The following FOXN3 variants were observed in gnomAD, a reference collection of about 807,000 sequenced individuals.
The protein encoded by FOXN3 is forkhead box protein N3.
In FOXN3, 7 loss-of-function variants were observed where a neutral mutation model predicts 38.4. The ratio of observed to expected loss-of-function variants is 0.18; its 90% CI spans 0.10 to 0.34. The LOEUF (loss-of-function observed/expected upper bound fraction) is 0.34. Ranked by LOEUF, FOXN3 falls within the 10% of genes least tolerant of loss-of-function variation. The pLI, the probability that FOXN3 is intolerant of heterozygous loss-of-function variation, is 1.00. For missense variants in FOXN3, 456 were observed against 613.4 expected, an observed-to-expected ratio of 0.74 and a Z score of 2.71; for synonymous variants, 230 against 242.2, an observed-to-expected ratio of 0.95 and a Z score of 0.47.
Position 89,325,259 on chromosome 14 carries a change from C to A in FOXN3, c.680+25413G>T, listed in dbSNP as rs1276753544. 9.5e-5 allele frequency among the ~76,000 whole-genome samples: 14 copies of A among 147,304 alleles called. 1 individual carries two copies. The highest frequency in any genetic ancestry group is 3.3e-4 in the African/African-American group (13 of 38,948). ...ACTACCACCACCACGACCACCACCA[C>A]CACCACCATCACCAACACCAACACC... On this transcript the variant is annotated intron_variant, in intron 3 of 5. Transcript: ENST00000557258.
At chr14:89,380,730 C>T (rs936204359) in intron 2 of FOXN3, among the ~76,000 whole-genome samples, 1 of 152,222 alleles carries the variant, frequency 6.6e-6, no homozygotes, top group African/African-American at 2.4e-5. Context: ...CCTCACAGAC[C>T]ATGGGCAGTT....
chr14:89,371,773 CCT>C (rs1455852904), intron 2 of FOXN3, among the ~76,000 whole-genome samples: 1 of 152,054 alleles, frequency 6.6e-6, no homozygotes, highest in Non-Finnish European at 1.5e-5. Flanking sequence ...AAGTTAACCC[CCT>C]GACTCCCTCT....
chr14:89,421,145 CTTTTT>C (rs570024684), upstream of FOXN3, among the ~76,000 whole-genome samples: 6 of 108,190 alleles, frequency 5.5e-5, no homozygotes, highest in African/African-American at 1.1e-4. Flanking sequence ...TTCTTTCTTT[CTTTTT>C]TTTTTTTTTT....
intron 3 of FOXN3, among the ~76,000 whole-genome samples, chr14:89,333,817 A>C (rs976141235): frequency 1.3e-5 from 2 of 150,664 alleles, no homozygotes; most frequent in East Asian, 3.9e-4. Context: ...TTCTGGGTAT[A>C]TATCCAAAGG....
upstream of FOXN3, chr14:89,417,694 TG>T (rs1891789665): frequency 2.2e-6 from 1 of 455,892 alleles, no homozygotes; most frequent in East Asian, 7.0e-5. Context: ...GCGAGGCTTG[TG>T]GGGGTGAGAA....
intron 1 of FOXN3, among the ~76,000 whole-genome samples, chr14:89,567,827 A>G (rs914562232): frequency 5.4e-5 from 8 of 148,012 alleles, no homozygotes; most frequent in Non-Finnish European, 1.0e-4. Flanking sequence ...GGTTCACGCC[A>G]TTCTCCTACC....
In FOXN3 at chr14:89,370,843, G is replaced by C. The variant is rs74810575; in HGVS notation, c.544-20035C>G. Among the ~76,000 whole-genome samples the C allele has an allele frequency of 2.8e-3, 430 of 152,316 alleles. 2 individuals are homozygous for C. The highest frequency in any genetic ancestry group is 9.9e-3 in the African/African-American group (411 of 41,572). On this transcript the variant is annotated intron_variant, in intron 2 of 5. Transcript: ENST00000557258. ...CAGTGAGGACGTAACTTCATTTCTG[G>C]TGGTTACCCCCTTTAAGTACATAAT...
chr14:89,364,504 C>T (rs959720691), intron 2 of FOXN3: 1 of 152,352 alleles, frequency 6.6e-6, no homozygotes, highest in Non-Finnish European at 1.5e-5. Context: ...GGAGGAGAGG[C>T]TCTGGCGCCC....
At chr14:89,205,394 C>A (rs1868749347) in intron 4 of FOXN3, among the ~76,000 whole-genome samples, 1 of 152,138 alleles carries the variant, frequency 6.6e-6, no homozygotes, top group African/African-American at 2.4e-5. Flanking sequence ...GGGCCTGTGC[C>A]CAAGGACCTA....
Position 89,287,246 on chromosome 14 carries a change from C to T in FOXN3, c.681-6232G>A, listed in dbSNP as rs147516960. Among the ~76,000 whole-genome samples, 197 of 152,154 alleles carry T rather than the reference C, an allele frequency of 1.3e-3. 3 individuals are homozygous for T. The East Asian group carries it at 0.03, about 23-fold the overall frequency. On this transcript the variant is annotated intron_variant, in intron 3 of 5. Transcript: ENST00000557258. ...TGGGCTCACTTCAACCTCTGCCTCCCGGGTTCAAGCAATTCTCCTGCCTTA... is the reference window on the plus strand; with the variant it reads ...TGGGCTCACTTCAACCTCTGCCTCCTGGGTTCAAGCAATTCTCCTGCCTTA...
chr14:89,517,921 C>A (rs1396023765), intron 1 of FOXN3, among the ~76,000 whole-genome samples: 1 of 152,172 alleles, frequency 6.6e-6, no homozygotes, highest in Non-Finnish European at 1.5e-5. Context: ...CGTGTTAGAG[C>A]AAAACTCTGC....
chr14:89,305,905 G>A, intron 3 of FOXN3, among the ~76,000 whole-genome samples: 1 of 152,198 alleles, frequency 6.6e-6, no homozygotes, highest in East Asian at 1.9e-4. Context: ...AAAACCAGGT[G>A]TTTATAATTT....
intron 3 of FOXN3, among the ~76,000 whole-genome samples, chr14:89,347,972 A>C (rs1888818558): frequency 6.6e-6 from 1 of 152,074 alleles, no homozygotes; most frequent in South Asian, 2.1e-4. Context: ...CAAAAAAGGA[A>C]AACAGAGGCA....
At chr14:89,269,009 C>G (rs1185017327) in intron 4 of FOXN3, among the ~76,000 whole-genome samples, 12 of 152,228 alleles carry the variant, frequency 7.9e-5, no homozygotes, top group Non-Finnish European at 1.3e-4. Flanking sequence ...GATCAGCACA[C>G]AATCGACCTT....
chr14:89,260,493 G>A (rs1295317885), intron 4 of FOXN3, among the ~76,000 whole-genome samples: 3 of 152,226 alleles, frequency 2.0e-5, no homozygotes, highest in Non-Finnish European at 4.4e-5. Flanking sequence ...TCAGGTGGGA[G>A]GGGACCAGCC....
At position 89,163,500 on chromosome 14, in the gene FOXN3, C is replaced by CAAAT. The variant is rs1256932897; in HGVS notation, c.852-535_852-532dup. Among the ~76,000 whole-genome samples, 1 of 152,180 alleles carries CAAAT rather than the reference C, an allele frequency of 6.6e-6. No individual in the cohort carries two copies. The highest frequency in any genetic ancestry group is 6.5e-5 in the Admixed American group (1 of 15,284). ...TTCCCTCCCTCGTTCATGCAATCTA[C>CAAAT]AAATACTCACTGAGCGCCTAACAGA... On this transcript the variant is annotated intron_variant, in intron 5 of 5. Coordinates refer to ENST00000557258, the MANE Select transcript of FOXN3 (RefSeq NM_005197.4). The surrounding 1 kb of genome is among the most constrained non-coding windows in gnomAD (Gnocchi z 4.3).
chr14:89,347,868 C>A (rs1486331056), intron 3 of FOXN3, among the ~76,000 whole-genome samples: 1 of 152,154 alleles, frequency 6.6e-6, no homozygotes, highest in East Asian at 1.9e-4. Flanking sequence ...GCAGAAGAAT[C>A]CCTTGAACCC....
chr14:89,470,628 A>G (rs1893074764), intron 1 of FOXN3, among the ~76,000 whole-genome samples: 1 of 152,232 alleles, frequency 6.6e-6, no homozygotes, highest in South Asian at 2.1e-4. Flanking sequence ...TATTCCAGAT[A>G]GCTGAATTTG....
intron 1 of FOXN3, among the ~76,000 whole-genome samples, chr14:89,558,935 T>A (rs1895186833): frequency 6.6e-6 from 1 of 152,204 alleles, no homozygotes; most frequent in Non-Finnish European, 1.5e-5. Context: ...CTTCTTAATA[T>A]GAAACTTCTT....
Sources: allele counts gnomAD v4.1 joint callset (sites outside exome capture counted in the v4.1 genomes callset), GRCh38; gene constraint gnomAD v4.1.1; non-coding constraint Gnocchi (gnomAD v3.1); transcripts MANE v1.5; gene names NCBI Gene and HGNC (gene_info 2026-07-23, HGNC 2026-07-21).